The following CEP128 variants were observed in gnomAD, a reference collection of about 807,000 sequenced individuals.
The protein encoded by CEP128 is centrosomal protein 128kDa.
Under a neutral mutation model 156.7 loss-of-function variants are expected in CEP128, and 132 were observed. The ratio of observed to expected loss-of-function variants is 0.84; its 90% CI spans 0.73 to 0.97. The LOEUF is 0.97. CEP128 is among the 50% of genes least tolerant of loss of function. CEP128 has a pLI of 0.00. For missense variants in CEP128, 1,252 were observed against 1,281.9 expected (o/e 0.98, Z 0.36); for synonymous variants, 469 against 448.9 (o/e 1.04, Z -0.57).
intron 19 of CEP128, among the ~76,000 whole-genome samples, chr14:80,585,100 T>C (rs1165533250): frequency 6.6e-6 from 1 of 152,248 alleles, no homozygotes; most frequent in Non-Finnish European, 1.5e-5. Context: ...ATTTTTTAAA[T>C]GAGCTGATAC....
At chr14:80,910,376 T>TG (rs1413791502) in intron 4 of CEP128, among the ~76,000 whole-genome samples, 15 of 152,304 alleles carry the variant, frequency 9.8e-5, no homozygotes, top group Admixed American at 3.9e-4. Flanking sequence ...CACTGGATCA[T>TG]GGGGGCAGAG....
chr14:80,567,808 C>T (rs1055405857), intron 20 of CEP128, among the ~76,000 whole-genome samples: 1 of 152,068 alleles, frequency 6.6e-6, no homozygotes, highest in Non-Finnish European at 1.5e-5. Flanking sequence ...TGGCTAGGGG[C>T]AATGCAAAGG....
intron 24 of CEP128, 55 bp from the exon 25 acceptor site, chr14:80,497,637 T>TA: frequency 8.8e-7 from 1 of 1,137,994 alleles, no homozygotes; most frequent in Non-Finnish European, 1.3e-6. Flanking sequence ...AAAACTGGCC[T>TA]AAAAAATTAA....
chr14:80,916,259 T>G, intron 3 of CEP128, 142 bp downstream of exon 3: 1 of 687,378 alleles, frequency 1.5e-6, no homozygotes, highest in Non-Finnish European at 2.5e-6. Flanking sequence ...TACAAGACCT[T>G]AAGATAATAA....
intron 19 of CEP128, among the ~76,000 whole-genome samples, chr14:80,581,193 T>C (rs574210835): frequency 7.9e-5 from 12 of 152,298 alleles, no homozygotes; most frequent in African/African-American, 2.9e-4. Context: ...GATCTTATTA[T>C]ATCTCACAAA....
chr14:80,889,233 C>T (rs1481707576), intron 8 of CEP128, among the ~76,000 whole-genome samples: 1 of 152,158 alleles, frequency 6.6e-6, no homozygotes, highest in African/African-American at 2.4e-5. Flanking sequence ...CAATGCTATT[C>T]CCATCAAGCT....
chr14:80,636,718 A>C (rs932561589), intron 19 of CEP128, among the ~76,000 whole-genome samples: 1 of 152,152 alleles, frequency 6.6e-6, no homozygotes, highest in South Asian at 2.1e-4. Flanking sequence ...TGGGACTGGA[A>C]TTAGTCTCCT....
intron 14 of CEP128, among the ~76,000 whole-genome samples, chr14:80,787,941 A>T (rs537416925): frequency 6.6e-6 from 1 of 152,204 alleles, no homozygotes; most frequent in Non-Finnish European, 1.5e-5. Flanking sequence ...CTGCTACTCT[A>T]TAACTCTCCA....
chr14:80,804,892 A>G (rs61979449), intron 13 of CEP128, among the ~76,000 whole-genome samples: 46,631 of 151,980 alleles, frequency 0.31, 8,488 homozygotes, highest in Non-Finnish European at 0.4. Flanking sequence ...TAAGATTAAC[A>G]TGAATTCAAC....
intron 21 of CEP128, among the ~76,000 whole-genome samples, chr14:80,549,764 A>G (rs899573285): frequency 6.6e-6 from 1 of 152,224 alleles, no homozygotes; most frequent in African/African-American, 2.4e-5. Context: ...CCTAACAAAG[A>G]GTGATGGCTC....
At chr14:80,557,875 C>T (rs935100517) in intron 21 of CEP128, among the ~76,000 whole-genome samples, 3 of 151,876 alleles carry the variant, frequency 2.0e-5, no homozygotes, top group African/African-American at 7.3e-5. Context: ...GACTAAGATA[C>T]TTCTAATATT....
At chr14:80,491,058 T>C (rs973693766) in intron 6 of CEP128, among the ~76,000 whole-genome samples, 2 of 152,200 alleles carry the variant, frequency 1.3e-5, no homozygotes, top group South Asian at 4.1e-4. Flanking sequence ...CTTTCAGGAA[T>C]CGTTGAACAA....
intron 19 of CEP128, among the ~76,000 whole-genome samples, chr14:80,582,589 G>A (rs915538979): frequency 4.6e-5 from 7 of 151,950 alleles, no homozygotes; most frequent in Non-Finnish European, 7.4e-5. Flanking sequence ...GCTTGGCTAG[G>A]GGAAAGTATG....
intron 13 of CEP128, among the ~76,000 whole-genome samples, chr14:80,803,355 T>TAA (rs11374763): frequency 0.03 from 4,354 of 143,780 alleles, 228 homozygotes; most frequent in African/African-American, 0.1. Context: ...AGCCCTATGT[T>TAA]AAAAAAAAAA....
At chr14:80,561,694 T>C (rs1392287969) in intron 20 of CEP128, among the ~76,000 whole-genome samples, 1 of 152,172 alleles carries the variant, frequency 6.6e-6, no homozygotes, top group Non-Finnish European at 1.5e-5. Context: ...CGATTTCATA[T>C]AATGTCAAAA....
intron 19 of CEP128, among the ~76,000 whole-genome samples, chr14:80,635,924 G>A (rs1174923277): frequency 2.0e-5 from 3 of 152,174 alleles, no homozygotes; most frequent in Non-Finnish European, 4.4e-5. Context: ...CAGGCTATGT[G>A]TATAAGGTGT....
At position 80,899,954 on chromosome 14, in the gene CEP128, G is replaced by T. The variant is rs1883438103; in HGVS notation, c.556C>A (p.Leu186Ile). ...TGCTTTTACCGGCTCCTTCTGGAAA[G>T]CTCCCTGTTGAAATCATCTCCAAGG... The part of the protein sequence containing the change: ...IRLGDDFNRE[L>I]SRRSRSDAET... The change falls in exon 7 of 25, where the codon CTT becomes ATT. Residue 186 changes from leucine (L) to isoleucine (I), a missense_variant. By Grantham distance (5) the Leu-to-Ile change is conservative. Transcript: ENST00000555265. 6.2e-7 allele frequency: 1 copy of T among 1,612,664 alleles called. No individual in the cohort carries two copies. The highest frequency in any genetic ancestry group is 8.5e-7 in the Non-Finnish European group (1 of 1,178,954).
chr14:80,742,935 TAAG>T (rs1294245130), intron 19 of CEP128, 137 bp downstream of exon 19: 15 of 700,684 alleles, frequency 2.1e-5, no homozygotes, highest in Non-Finnish European at 2.4e-6. Context: ...TGAAGAAAGA[TAAG>T]AAGACAAAGA....
At chr14:80,940,224 T>C (rs1484756837) in intron 1 of CEP128, among the ~76,000 whole-genome samples, 1 of 152,010 alleles carries the variant, frequency 6.6e-6, no homozygotes, top group Admixed American at 6.5e-5. Context: ...AAGAAACAGT[T>C]CAAAGAGACC....
Sources: gnomAD v4.1 joint callset for allele counts (sites outside exome capture counted in the v4.1 genomes callset) on GRCh38, gnomAD v4.1.1 for gene constraint, MANE v1.5 for transcripts, NCBI Gene and HGNC (gene_info 2026-07-23, HGNC 2026-07-21) for gene names.